ZNF7: variants seen among roughly 807,000 people sequenced by gnomAD.
ZNF7 encodes the protein C2-H2 type zinc finger protein.
ZNF7 carries 10 observed loss-of-function variants against 12.0 expected under a neutral mutation model. The observed-to-expected ratio is 0.83, with a 90% CI of 0.51 to 1.42. The LOEUF (loss-of-function observed/expected upper bound fraction) is 1.42. ZNF7 is among the 40% of genes most tolerant of loss of function. The pLI, the probability that ZNF7 is intolerant of heterozygous loss-of-function variation, is 0.00. For missense variants in ZNF7, 854 were observed against 837.2 expected (o/e 1.02, Z -0.25); for synonymous variants, 334 against 295.0 (o/e 1.13, Z -1.35).
chr8:144,841,671 A>T lies in ZNF7; in HGVS notation c.564A>T (p.Gly188=). The change falls in exon 5 of 5, where the codon GGA becomes GGT. Residue 188 remains glycine (G), a synonymous_variant. Transcript: ENST00000532777. ...ATTGTCAGCCTCTTGAAAGTCAGGG[A>T]GAGAGTGCGGAAGGGATGTCCCAGA... ...GLDCQPLESQ[G]ESAEGMSQRC... The T allele has an allele frequency of 6.2e-7, 1 of 1,614,176 alleles. No individual in the cohort carries two copies. Among genetic ancestry groups the T allele is most frequent in the Non-Finnish European group, 8.5e-7 (1 of 1,179,998 alleles).
chr8:144,827,668 G>A (rs900191187), intron 1 of ZNF7, 59 bp downstream of exon 1: 1 of 985,322 alleles, frequency 1.0e-6, no homozygotes, highest in Non-Finnish European at 1.2e-6. Context: ...ATCCCTGGTC[G>A]CTTCCTTAGC....
At chr8:144,828,556 C>T (rs767783066) in intron 1 of ZNF7, among the ~76,000 whole-genome samples, 14 of 152,298 alleles carry the variant, frequency 9.2e-5, no homozygotes, top group Non-Finnish European at 1.6e-4. Context: ...CATGCTATTC[C>T]TGCTGCCTGG....
rs1830125723 is a variant in ZNF7 at position 144,842,850 on chromosome 8, T to C, written c.1743T>C (p.Tyr581=). Residue 581 remains tyrosine, a synonymous_variant, in exon 5 of 5, where the codon TAT becomes TAC. Coordinates refer to ENST00000532777, the MANE Select transcript of ZNF7 (RefSeq NM_003416.4). ...HQIIHAGVKP[Y]ECSECGKAFS... is the part of the protein sequence containing the mutation. The stretch of plus-strand genomic sequence containing the variant: ...TAATTCATGCAGGGGTGAAGCCCTA[T>C]GAGTGCAGTGAGTGTGGAAAAGCCT... The C allele has an allele frequency of 3.2e-5, 52 of 1,614,190 alleles. No individual in the cohort carries two copies. The highest frequency in any genetic ancestry group is 4.4e-5 in the Non-Finnish European group (52 of 1,180,042).
chr8:144,831,470 T>C (rs1426316366), intron 3 of ZNF7, among the ~76,000 whole-genome samples: 1 of 152,112 alleles, frequency 6.6e-6, no homozygotes, highest in South Asian at 2.1e-4. Context: ...GTCCAAGAGA[T>C]GGGAAAGGGT....
chr8:144,841,152 G>A (rs960876062), intron 4 of ZNF7: 17 of 592,582 alleles, frequency 2.9e-5, no homozygotes, highest in African/African-American at 5.5e-5. Flanking sequence ...CATTGCTATC[G>A]AATGAGTGAA....
rs1554644112 is a variant in ZNF7 at position 144,843,448 on chromosome 8, C to CGTG, written c.*285_*287dup. On this transcript the variant is annotated 3_prime_UTR_variant, in exon 5 of 5. Transcript: ENST00000532777. ...CTAAAAATACAAAAATTTAGCTGGG[C>CGTG]GTGGTGGCAGGCACCTGTGGTCCCA... 1.6e-5 allele frequency: 4 copies of CGTG among 256,718 alleles called. No homozygotes were observed. In the Admixed American group the frequency reaches 2.0e-4, roughly 13 times the overall value. 15.9% of individuals were successfully genotyped at this position (256,718 alleles called of 1,614,324 possible). A position where few individuals can be genotyped will look rare whatever the true frequency, so the allele number is the denominator to read the frequency against.
chr8:144,839,514 G>A (rs1829574805), intron 4 of ZNF7, among the ~76,000 whole-genome samples: 1 of 152,248 alleles, frequency 6.6e-6, no homozygotes, highest in Non-Finnish European at 1.5e-5. Context: ...TGGCAGAAAA[G>A]CCAGCTACAG....
At chr8:144,846,021 C>A, downstream of ZNF7, 1 of 1,536,588 alleles carries the variant, frequency 6.5e-7, no homozygotes, top group Non-Finnish European at 8.7e-7. Context: ...CCAAGGCACC[C>A]ACATGCACCG....
At chr8:144,834,803 T>C (rs1037240033) in intron 3 of ZNF7, 4 of 150,782 alleles carry the variant, frequency 2.7e-5, no homozygotes, top group African/African-American at 9.8e-5. Context: ...TGCAGTGGCG[T>C]GATCTCGGCT....
intron 3 of ZNF7, chr8:144,831,024 C>A: frequency 2.2e-6 from 1 of 456,318 alleles, no homozygotes; most frequent in Non-Finnish European, 4.4e-6. Flanking sequence ...GGTGCTGCAG[C>A]TTTTCGTAAG....
At chr8:144,845,391 T>A (rs574757708), downstream of ZNF7, among the ~76,000 whole-genome samples, 2 of 152,128 alleles carry the variant, frequency 1.3e-5, no homozygotes, top group South Asian at 4.1e-4. Flanking sequence ...CCCTCAGTTT[T>A]TTTTTTGCTG....
chr8:144,843,389 A>G lies in ZNF7; in HGVS notation c.*221A>G, dbSNP rs556033117. The stretch of plus-strand genomic sequence containing the variant: ...CACATCACGAGGTCAGGAGGTTGAG[A>G]CCATCCTGGGTAACAGGTGAAACCC... On this transcript the variant is annotated 3_prime_UTR_variant, in exon 5 of 5. Coordinates refer to ENST00000532777, the MANE Select transcript of ZNF7 (RefSeq NM_003416.4). 1.7e-4 allele frequency: 83 copies of G among 481,810 alleles called. No individual in the cohort carries two copies. Among genetic ancestry groups the G allele is most frequent in the Non-Finnish European group, 2.8e-4 (79 of 282,108 alleles). The allele number at this position is 481,810 out of a possible 1,614,324, so 29.8% of individuals were successfully genotyped here.
rs1219613185 is a variant in ZNF7 at position 144,842,127 on chromosome 8, G to A, written c.1020G>A (p.Gly340=). Residue 340 remains glycine (G), a synonymous_variant, in exon 5 of 5, where the codon GGG becomes GGA. Transcript: ENST00000532777. ...GGCCCTATGGTTGTCGTGAGTGTGGGAAAGCCTTCAGCCAGCAGTCGCAGC... is the reference window on the plus strand; with the variant it reads ...GGCCCTATGGTTGTCGTGAGTGTGGAAAAGCCTTCAGCCAGCAGTCGCAGC... ...GERPYGCREC[G]KAFSQQSQLV... is the part of the protein sequence containing the mutation. 1.3e-5 allele frequency: 21 copies of A among 1,613,840 alleles called. No homozygotes were observed. The highest frequency in any genetic ancestry group is 6.7e-5 in the African/African-American group (5 of 74,850).
intron 4 of ZNF7, among the ~76,000 whole-genome samples, chr8:144,839,507 C>T (rs1829574038): frequency 6.6e-6 from 1 of 152,252 alleles, no homozygotes; most frequent in South Asian, 2.1e-4. Context: ...GGTGCCATGG[C>T]AGAAAAGCCA....
At chr8:144,830,556 A>C (rs1422723882) in intron 3 of ZNF7, among the ~76,000 whole-genome samples, 3 of 152,182 alleles carry the variant, frequency 2.0e-5, no homozygotes, top group African/African-American at 7.2e-5. Flanking sequence ...ACTTTGTAAA[A>C]CATGTAGTTA....
At chr8:144,829,117 C>G in intron 2 of ZNF7, 27 bp downstream of exon 2, 1 of 1,613,556 alleles carries the variant, frequency 6.2e-7, no homozygotes, top group Non-Finnish European at 8.5e-7. Flanking sequence ...CCTCCTTCCC[C>G]TCGCATGTCC....
chr8:144,846,051 G>A (rs1341216297), downstream of ZNF7: 23 of 1,536,460 alleles, frequency 1.5e-5, no homozygotes, highest in Non-Finnish European at 2.0e-5. Context: ...CCTGTTCCTG[G>A]CCTTCCAAAA....
Position 144,841,803 on chromosome 8 carries a change from ATCT to A in ZNF7, c.697_699del (p.Ser233del), listed in dbSNP as rs745643294. On this transcript the variant is annotated inframe_deletion, in exon 5 of 5. Transcript: ENST00000532777. ...GATGTCAAGAATGCCAAAAAAAGTT[ATCT>A]GACTGCTTGCAGGGGAAACATACAA... 5.0e-6 allele frequency: 8 copies of A among 1,614,242 alleles called. No individual in the cohort carries two copies. In the South Asian group the frequency reaches 8.8e-5, roughly 18 times the overall value.
At chr8:144,844,308 G>C (rs554655366), downstream of ZNF7, among the ~76,000 whole-genome samples, 1 of 152,174 alleles carries the variant, frequency 6.6e-6, no homozygotes, top group East Asian at 1.9e-4. Flanking sequence ...CAGCACACCC[G>C]TGTGCGCACA....
Sources: gnomAD v4.1 joint callset for allele counts (sites outside exome capture counted in the v4.1 genomes callset) on GRCh38, gnomAD v4.1.1 for gene constraint, MANE v1.5 for transcripts, NCBI Gene and HGNC (gene_info 2026-07-23, HGNC 2026-07-21) for gene names.